Variants in SMIM20 observed in about 807,000 individuals in gnomAD.
SMIM20 encodes the protein small integral membrane protein 20.
Under a neutral mutation model 8.7 loss-of-function variants are expected in SMIM20, and 3 were observed. That is an observed-to-expected ratio of 0.34 (90% confidence interval 0.16 to 0.89). The LOEUF is 0.89. Among genes scored for constraint, SMIM20 ranks in the 40% least tolerant of loss-of-function variants. The probability of loss-of-function intolerance (pLI) is 0.49; values close to 1 mark genes in which losing one functional copy is unlikely to be tolerated. For missense variants in SMIM20, 85 were observed against 84.8 expected, an observed-to-expected ratio of 1.00 and a Z score of -0.01; for synonymous variants, 44 against 33.6, an observed-to-expected ratio of 1.31 and a Z score of -1.07.
intron 1 of SMIM20, among the ~76,000 whole-genome samples, chr4:25,920,764 C>T (rs1453659226): frequency 6.6e-6 from 1 of 152,148 alleles, no homozygotes; most frequent in Non-Finnish European, 1.5e-5. Context: ...TTTGGAAAAT[C>T]TTTTATACAG....
At chr4:25,923,804 T>C (rs577762976) in intron 1 of SMIM20, among the ~76,000 whole-genome samples, 2 of 152,370 alleles carry the variant, frequency 1.3e-5, no homozygotes, top group African/African-American at 4.8e-5. Context: ...TAGAATATGC[T>C]TTTCAGTCCT....
chr4:25,920,547 A>G (rs957010716), intron 1 of SMIM20, among the ~76,000 whole-genome samples: 1 of 152,236 alleles, frequency 6.6e-6, no homozygotes, highest in African/African-American at 2.4e-5. Context: ...TTTATAAAGT[A>G]AAAAAGCTAG....
At chr4:25,925,219 CTTTTA>C (rs746848916) in intron 1 of SMIM20, among the ~76,000 whole-genome samples, 35 of 152,072 alleles carry the variant, frequency 2.3e-4, no homozygotes, top group East Asian at 5.8e-4. Context: ...TTGTGAGTTG[CTTTTA>C]TTTTATTTTA....
rs1211349286 is a variant in SMIM20 at position 25,914,415 on chromosome 4, G to A, written c.102G>A (p.Glu34=). ...PIYFRPLMRL[E]EYKKEQAINR... ...ACTTCCGGCCCCTAATGAGATTGGA[G>A]GAGTACAGTGAGTGATCTCTAACCC... The change falls in exon 1 of 3, where the codon GAG becomes GAA. Residue 34 remains glutamate, a synonymous_variant. Transcript: ENST00000506197. The A allele has an allele frequency of 4.0e-6, 6 of 1,507,122 alleles. No individual in the cohort carries two copies. The Admixed American group carries it at 8.6e-5, about 22-fold the overall frequency. 93.4% of individuals were successfully genotyped at this position (1,507,122 alleles called of 1,614,324 possible). A position where few individuals can be genotyped will look rare whatever the true frequency, so the allele number is the denominator to read the frequency against.
chr4:25,927,249 A>C (rs1174847540), intron 1 of SMIM20, among the ~76,000 whole-genome samples: 1 of 152,216 alleles, frequency 6.6e-6, no homozygotes, highest in Admixed American at 6.5e-5. Context: ...CCCATTGCCC[A>C]GTGTTTTATT....
chr4:25,928,157 C>A, intron 1 of SMIM20, 156 bp from the exon 2 acceptor site: 1 of 603,666 alleles, frequency 1.7e-6, no homozygotes. Context: ...ATCTAACTTC[C>A]ACAACCTAAA....
At chr4:25,915,710 G>T (rs1181203927) in intron 1 of SMIM20, among the ~76,000 whole-genome samples, 2 of 152,144 alleles carry the variant, frequency 1.3e-5, no homozygotes, top group Non-Finnish European at 2.9e-5. Flanking sequence ...GAGGCCACTA[G>T]AACTTGGGAC....
chr4:25,914,564 G>A (rs1719041941), intron 1 of SMIM20, 142 bp downstream of exon 1: 2 of 784,414 alleles, frequency 2.5e-6, no homozygotes, highest in Admixed American at 7.6e-5. Context: ...GTGCAGCTTT[G>A]TGACCGTGGA....
intron 1 of SMIM20, among the ~76,000 whole-genome samples, chr4:25,921,669 G>A (rs1334485885): frequency 6.6e-6 from 1 of 152,166 alleles, no homozygotes; most frequent in Non-Finnish European, 1.5e-5. Flanking sequence ...AGCTGGAGAT[G>A]GGGCATCATC....
chr4:25,928,452 G>A, intron 2 of SMIM20, 83 bp downstream of exon 2: 31 of 1,365,176 alleles, frequency 2.3e-5, no homozygotes, highest in Non-Finnish European at 3.0e-5. Context: ...CCTTGGCGTG[G>A]AGAGTGGGAA....
At chr4:25,921,613 C>G (rs1252476201) in intron 1 of SMIM20, among the ~76,000 whole-genome samples, 3 of 152,186 alleles carry the variant, frequency 2.0e-5, no homozygotes, top group African/African-American at 4.8e-5. Flanking sequence ...TTCCCATAGA[C>G]AATGGAATAT....
At chr4:25,922,008 A>G (rs541427790) in intron 1 of SMIM20, among the ~76,000 whole-genome samples, 14 of 152,352 alleles carry the variant, frequency 9.2e-5, no homozygotes, top group Admixed American at 3.3e-4. Context: ...GAAATAAGTT[A>G]GAAGTGATTG....
chr4:25,926,386 T>C (rs1719292076), intron 1 of SMIM20, among the ~76,000 whole-genome samples: 1 of 152,386 alleles, frequency 6.6e-6, no homozygotes, highest in South Asian at 2.1e-4. Flanking sequence ...AGGATGCTAA[T>C]ACCTGGTTAT....
intron 1 of SMIM20, among the ~76,000 whole-genome samples, chr4:25,924,639 T>C (rs1053528517): frequency 2.0e-5 from 3 of 152,192 alleles, no homozygotes; most frequent in African/African-American, 4.8e-5. Context: ...TATACAGATA[T>C]AGTTATATGT....
In SMIM20 at chr4:25,914,321, G is replaced by C; in HGVS notation, c.8G>C (p.Arg3Pro). MSRNLRTALIFGG... is the reference protein window; with the variant it reads MSPNLRTALIFGG... ...AGCCCGGGGCCTGACGCCATGTCCC[G>C]GAACCTGCGCACCGCGCTCATTTTC... Residue 3 changes from arginine (R) to proline (P), a missense_variant, in exon 1 of 3, where the codon CGG becomes CCG. Physicochemically the swap from Arg to Pro is moderately radical, Grantham distance 103 (BLOSUM62 -2). Coordinates refer to ENST00000506197, the MANE Select transcript of SMIM20 (RefSeq NM_001145432.3). 1 of 1,550,392 alleles carries C rather than the reference G, an allele frequency of 6.4e-7. No homozygotes were observed. Among genetic ancestry groups the C allele is most frequent in the Non-Finnish European group, 8.7e-7 (1 of 1,146,138 alleles).
intron 1 of SMIM20, among the ~76,000 whole-genome samples, chr4:25,919,899 A>T (rs1719167492): frequency 6.6e-6 from 1 of 152,098 alleles, no homozygotes; most frequent in Non-Finnish European, 1.5e-5. Context: ...TAACACCATC[A>T]CTATTGTATA....
chr4:25,916,564 A>T (rs1719096790), intron 1 of SMIM20, among the ~76,000 whole-genome samples: 1 of 143,032 alleles, frequency 7.0e-6, no homozygotes, highest in Non-Finnish European at 1.5e-5. Context: ...ATCGTAACTG[A>T]TTCTTTTTTC....
At chr4:25,928,655 G>A (rs574639330) in intron 2 of SMIM20, among the ~76,000 whole-genome samples, 4 of 152,330 alleles carry the variant, frequency 2.6e-5, no homozygotes, top group Non-Finnish European at 5.9e-5. Flanking sequence ...GATATGAGAC[G>A]TGAATAGCTG....
chr4:25,926,117 C>A (rs1172343813), intron 1 of SMIM20, among the ~76,000 whole-genome samples: 1 of 152,098 alleles, frequency 6.6e-6, no homozygotes, highest in South Asian at 2.1e-4. Flanking sequence ...ATAGTTAAAC[C>A]CCTGACTTCT....
Sources: allele counts gnomAD v4.1 joint callset (sites outside exome capture counted in the v4.1 genomes callset), GRCh38; gene constraint gnomAD v4.1.1; transcripts MANE v1.5; gene names NCBI Gene and HGNC (gene_info 2026-07-23, HGNC 2026-07-21).